ANO10: variants seen among roughly 807,000 people sequenced by gnomAD.
The protein encoded by ANO10 is anoctamin-10.
In ANO10, 77 loss-of-function variants were observed where a neutral mutation model predicts 74.7. The ratio of observed to expected loss-of-function variants is 1.03; its 90% CI spans 0.86 to 1.25. The LOEUF is 1.25. Ranked by LOEUF, ANO10 falls within the 50% of genes most tolerant of loss-of-function variation. The probability of loss-of-function intolerance (pLI) is 0.00; values close to 1 mark genes in which losing one functional copy is unlikely to be tolerated. For missense variants in ANO10, 721 were observed against 778.1 expected (o/e 0.93, Z 0.87); for synonymous variants, 279 against 284.9 (o/e 0.98, Z 0.21).
chr3:43,605,895 G>GGTT, intron 1 of ANO10, 32 bp from the exon 2 acceptor site: 2 of 1,606,812 alleles, frequency 1.2e-6, no homozygotes, highest in Non-Finnish European at 1.7e-6. Context: ...AGTGAAAATG[G>GGTT]GTTGTTATTA....
At chr3:43,398,026 G>A (rs1208601369) in intron 12 of ANO10, among the ~76,000 whole-genome samples, 2 of 152,182 alleles carry the variant, frequency 1.3e-5, no homozygotes, top group African/African-American at 4.8e-5. Flanking sequence ...CTTCAAAACT[G>A]TATGATATTT....
Position 43,561,522 on chromosome 3 carries a change from A to G in ANO10, c.1294-120T>C. 6 of 920,694 alleles carry G rather than the reference A, an allele frequency of 6.5e-6. No individual in the cohort carries two copies. The South Asian group carries it at 9.9e-5, about 15-fold the overall frequency. The allele number at this position is 920,694 out of a possible 1,614,324, so 57.0% of individuals were successfully genotyped here. A position where few individuals can be genotyped will look rare whatever the true frequency, so the allele number is the denominator to read the frequency against. ...TAGCATAAATACAATTATGCAACAA[A>G]TAAAATGGAATCTTCAATAAATAGC... On this transcript the variant is annotated intron_variant, in intron 8 of 12. Coordinates refer to ENST00000292246, the MANE Select transcript of ANO10 (RefSeq NM_018075.5).
chr3:43,530,792 G>A (rs2078431697), intron 11 of ANO10, among the ~76,000 whole-genome samples: 2 of 152,136 alleles, frequency 1.3e-5, no homozygotes, highest in Admixed American at 6.5e-5. Flanking sequence ...AAAAAACAGT[G>A]TATACAGGGT....
chr3:43,679,962 T>C (rs1421331494), intron 1 of ANO10, among the ~76,000 whole-genome samples: 2 of 151,802 alleles, frequency 1.3e-5, no homozygotes, highest in Non-Finnish European at 2.9e-5. Flanking sequence ...AGACCAAAGG[T>C]AGATAAAACC....
At position 43,366,384 on chromosome 3, in the gene ANO10, A is replaced by T. The variant is rs2091411012; in HGVS notation, c.*522T>A. 1 of 203,772 alleles carries T rather than the reference A, an allele frequency of 4.9e-6. No individual in the cohort carries two copies. Among genetic ancestry groups the T allele is most frequent in the African/African-American group, 2.3e-5 (1 of 43,460 alleles). 12.6% of individuals were successfully genotyped at this position (203,772 alleles called of 1,614,324 possible). A position where few individuals can be genotyped will look rare whatever the true frequency, so the allele number is the denominator to read the frequency against. ...AGCTCAGTTACTATTGTTTATGTTG[A>T]TAAAGGGTCTGTTAATGTATTGCAA... On this transcript the variant is annotated 3_prime_UTR_variant, in exon 13 of 13. Transcript: ENST00000292246.
In ANO10 at chr3:43,598,613, C is replaced by T. The variant is rs778506622; in HGVS notation, c.391G>A (p.Glu131Lys). The change falls in exon 4 of 13, where the codon GAA becomes AAA. Residue 131 changes from glutamate (E) to lysine (K), a missense_variant. By Grantham distance (56) the Glu-to-Lys change is moderately conservative. Coordinates refer to ENST00000292246, the MANE Select transcript of ANO10 (RefSeq NM_018075.5). ...TCTTTAGCTCTAAGATTTTCAAGTT[C>T]ATGTTTGATAATGAATTGACATTCT... is the stretch of plus-strand genomic sequence containing the variant. ...MAECQFIIKH[E>K]LENLRAKDEK... 3 of 1,611,626 alleles carry T rather than the reference C, an allele frequency of 1.9e-6. No individual in the cohort carries two copies. Among genetic ancestry groups the T allele is most frequent in the Middle Eastern group, 1.7e-4 (1 of 6,044 alleles).
intron 1 of ANO10, among the ~76,000 whole-genome samples, chr3:43,647,151 A>ATG (rs1450143460): frequency 7.2e-4 from 53 of 73,860 alleles, no homozygotes; most frequent in African/African-American, 1.7e-3. Flanking sequence ...ATATGTGTAT[A>ATG]TATGTGTGTG....
intron 12 of ANO10, among the ~76,000 whole-genome samples, chr3:43,416,515 A>G (rs1020085451): frequency 6.6e-6 from 1 of 152,210 alleles, no homozygotes; most frequent in African/African-American, 2.4e-5. Context: ...TACAACATGA[A>G]ACAGAATTCT....
At chr3:43,404,115 AT>A (rs1559512590) in intron 12 of ANO10, among the ~76,000 whole-genome samples, 1 of 152,224 alleles carries the variant, frequency 6.6e-6, no homozygotes, top group South Asian at 2.1e-4. Context: ...GAGATTATCC[AT>A]AGTGGGCCAG....
intron 7 of ANO10, among the ~76,000 whole-genome samples, chr3:43,570,364 C>T (rs1212779572): frequency 4.0e-4 from 60 of 151,706 alleles, no homozygotes; most frequent in Non-Finnish European, 7.8e-4. Flanking sequence ...AAAAAAGAGC[C>T]CGCATCGCCA....
chr3:43,387,950 A>ATTTC (rs2092170489), intron 12 of ANO10, among the ~76,000 whole-genome samples: 1 of 123,452 alleles, frequency 8.1e-6, no homozygotes, highest in Admixed American at 8.4e-5. Context: ...TGTTTTTCCA[A>ATTTC]TTTCTTTTTT....
chr3:43,620,773 C>A (rs1317054029), intron 1 of ANO10, among the ~76,000 whole-genome samples: 1 of 152,114 alleles, frequency 6.6e-6, no homozygotes, highest in Admixed American at 6.5e-5. Flanking sequence ...TCAAAAAAAA[C>A]AAAAAGAAAA....
chr3:43,545,538 G>T (rs2079152069), intron 11 of ANO10, among the ~76,000 whole-genome samples: 1 of 152,014 alleles, frequency 6.6e-6, no homozygotes, highest in African/African-American at 2.4e-5. Flanking sequence ...GCTAATTTTT[G>T]TATTTTTAGT....
rs530600817 is a variant in ANO10 at position 43,650,134 on chromosome 3, G to A, written c.-12+41383C>T. Among the ~76,000 whole-genome samples the A allele has an allele frequency of 1.8e-4, 27 of 152,286 alleles. 2 individuals are homozygous for A. Among genetic ancestry groups the A allele is most frequent in the African/African-American group, 6.5e-4 (27 of 41,548 alleles). The stretch of plus-strand genomic sequence containing the variant: ...GTCCCAGAAGAATCAGGTGACACAC[G>A]GACTTGAAGGATGGTGAATGTGGGG... On this transcript the variant is annotated intron_variant, in intron 1 of 3. Coordinates refer to the ANO10 transcript ENST00000413397.
At chr3:43,411,650 T>C (rs1473184714) in intron 12 of ANO10, among the ~76,000 whole-genome samples, 2 of 152,214 alleles carry the variant, frequency 1.3e-5, no homozygotes, top group African/African-American at 2.4e-5. Context: ...CTCTCTGGAA[T>C]GATGCCATTG....
chr3:43,467,569 A>G (rs566076234), intron 11 of ANO10, among the ~76,000 whole-genome samples: 1 of 152,378 alleles, frequency 6.6e-6, no homozygotes, highest in South Asian at 2.1e-4. Flanking sequence ...AAAGCACTTC[A>G]GTGACAGCCT....
intron 1 of ANO10, among the ~76,000 whole-genome samples, chr3:43,656,298 C>A (rs550842193): frequency 1.7e-3 from 260 of 152,318 alleles, no homozygotes; most frequent in Middle Eastern, 3.4e-3. Flanking sequence ...GGTGTACTTA[C>A]AATCCCTGAG....
intron 4 of ANO10, among the ~76,000 whole-genome samples, chr3:43,591,931 C>T (rs1324326908): frequency 2.0e-5 from 3 of 152,298 alleles, no homozygotes; most frequent in Non-Finnish European, 4.4e-5. Context: ...TCTTAGCAAA[C>T]GGCACACCAG....
chr3:43,572,379 ACCT>A (rs1482990803), intron 7 of ANO10, among the ~76,000 whole-genome samples: 8 of 152,014 alleles, frequency 5.3e-5, no homozygotes, highest in African/African-American at 1.9e-4. Context: ...ATGCCTGGAA[ACCT>A]CATCAAAAGT....
Sources: gnomAD v4.1 joint callset for allele counts (sites outside exome capture counted in the v4.1 genomes callset) on GRCh38, gnomAD v4.1.1 for gene constraint, MANE v1.5 for transcripts, NCBI Gene and HGNC (gene_info 2026-07-23, HGNC 2026-07-21) for gene names.